The following AXIN2 variants were observed in gnomAD, a reference collection of about 807,000 sequenced individuals.
AXIN2 encodes axin 2, also known as axin-2.
Under a neutral mutation model 74.7 loss-of-function variants are expected in AXIN2, and 21 were observed. The ratio of observed to expected loss-of-function variants is 0.28; its 90% confidence interval spans 0.20 to 0.40. The LOEUF (loss-of-function observed/expected upper bound fraction) is 0.40. AXIN2 is among the 10% of genes least tolerant of loss of function. The probability of loss-of-function intolerance (pLI) is 1.00; values close to 1 mark genes in which losing one functional copy is unlikely to be tolerated. For synonymous variants in AXIN2, 532 were observed against 454.9 expected, an observed-to-expected ratio of 1.17 and a Z score of -2.16; for missense variants, 1,144 against 1,111.1, an observed-to-expected ratio of 1.03 and a Z score of -0.42.
chr17:65,540,032 C>G lies in AXIN2; in HGVS notation c.1059+1423G>C, dbSNP rs1022222500. On this transcript the variant is annotated intron_variant, in intron 4 of 10. Coordinates refer to ENST00000307078, the MANE Select transcript of AXIN2 (RefSeq NM_004655.4). ...AGGAGATCCTCACTTCTAAACACTT[C>G]GTTCATTCCGCATTTGATAGGCACA... Among the ~76,000 whole-genome samples, 6 of 152,218 alleles carry G rather than the reference C, an allele frequency of 3.9e-5. No homozygotes were observed. In the East Asian group the frequency reaches 9.6e-4, roughly 24 times the overall value.
At chr17:65,537,273 TG>T (rs2043942762) in intron 6 of AXIN2, 50 bp downstream of exon 6, 2 of 1,611,634 alleles carry the variant, frequency 1.2e-6, no homozygotes, top group East Asian at 2.2e-5. Context: ...CCCATGGACC[TG>T]GCTGGGAGAC....
chr17:65,531,457 G>C (rs1343170081), intron 10 of AXIN2, among the ~76,000 whole-genome samples: 1 of 151,906 alleles, frequency 6.6e-6, no homozygotes, highest in East Asian at 1.9e-4. Context: ...TGAGAAAATG[G>C]GGAGGGGCTC....
In AXIN2 at chr17:65,538,363, A is replaced by G; in HGVS notation, c.1060-20T>C. The G allele has an allele frequency of 1.2e-6, 2 of 1,613,808 alleles. No homozygotes were observed. Among genetic ancestry groups the G allele is most frequent in the Middle Eastern group, 1.7e-4 (1 of 6,046 alleles). ...GGTTCTCTACAGGACGTGGAAAGGA[A>G]AGGGAGGAGGCACGTTCAGCAGGCT... On this transcript the variant is annotated intron_variant, in intron 4 of 10. Coordinates refer to ENST00000307078, the MANE Select transcript of AXIN2 (RefSeq NM_004655.4).
chr17:65,537,896 G>A, intron 5 of AXIN2, 61 bp from the exon 6 acceptor site: 3 of 1,491,050 alleles, frequency 2.0e-6, no homozygotes, highest in Non-Finnish European at 2.7e-6. Context: ...AGAGGCCCTG[G>A]GGTTGCAACA....
chr17:65,544,736 G>C (rs2044094093), intron 3 of AXIN2, among the ~76,000 whole-genome samples: 1 of 152,170 alleles, frequency 6.6e-6, no homozygotes, highest in Non-Finnish European at 1.5e-5. Context: ...GCCGGGCCCA[G>C]CTGTTTCTGG....
rs2144456529 is a variant in AXIN2, at chr17:65,537,369, T to C, written c.1667A>G (p.Lys556Arg). 6.2e-7 allele frequency: 1 copy of C among 1,614,096 alleles called. No homozygotes were observed. The highest frequency in any genetic ancestry group is 8.5e-7 in the Non-Finnish European group (1 of 1,180,034). The change falls in exon 6 of 11, where the codon AAA becomes AGA. Residue 556 changes from lysine (K) to arginine (R), a missense_variant. Coordinates refer to ENST00000307078, the MANE Select transcript of AXIN2 (RefSeq NM_004655.4). The stretch of plus-strand genomic sequence containing the variant: ...GGTTTCCGGAGCCTTGGAGTGGCTT[T>C]TGCATTTCGAGTAGCAGTAATACTC... ...GSEYYCYSKCKSHSKAPETMP... is the reference protein window; with the variant it reads ...GSEYYCYSKCRSHSKAPETMP...
chr17:65,556,458 A>C (rs1429861080), intron 2 of AXIN2, among the ~76,000 whole-genome samples: 1 of 152,226 alleles, frequency 6.6e-6, no homozygotes, highest in Non-Finnish European at 1.5e-5. Flanking sequence ...CTCCACAAGC[A>C]TAAAGACACT....
At chr17:65,557,245 T>G (rs1035583100) in intron 2 of AXIN2, among the ~76,000 whole-genome samples, 16 of 152,190 alleles carry the variant, frequency 1.1e-4, no homozygotes, top group African/African-American at 3.9e-4. Context: ...AGGCCTTTCT[T>G]GCTGGGTAAA....
intron 2 of AXIN2, among the ~76,000 whole-genome samples, chr17:65,554,252 T>TTCC (rs372639572): frequency 1.1e-4 from 16 of 151,702 alleles, no homozygotes; most frequent in African/African-American, 3.6e-4. Context: ...CCTCTTCCTC[T>TTCC]TCCTCCTCCT....
rs2043784446 is a variant in AXIN2 at position 65,529,696 on chromosome 17, G to GAAGT, written c.*279_*280insACTT. The GAAGT allele has an allele frequency of 2.0e-6, 1 of 488,192 alleles. No individual in the cohort carries two copies. The highest frequency in any genetic ancestry group is 2.1e-5 in the South Asian group (1 of 48,016). 30.2% of individuals were successfully genotyped at this position (488,192 alleles called of 1,614,324 possible). On this transcript the variant is annotated 3_prime_UTR_variant, in exon 11 of 11. Coordinates refer to ENST00000307078, the MANE Select transcript of AXIN2 (RefSeq NM_004655.4). ...CCTAGGAAGTCATATATTATGTATG[G>GAAGT]CAGTCTCTCAAATACAGGCAGCATC...
At chr17:65,552,027 C>T (rs114733932) in intron 2 of AXIN2, among the ~76,000 whole-genome samples, 1,334 of 79,826 alleles carry the variant, frequency 0.017, 16 homozygotes, top group African/African-American at 0.06. Context: ...AGAAGTCTCA[C>T]GACCTCCTGG....
intron 2 of AXIN2, among the ~76,000 whole-genome samples, 195 bp downstream of exon 2, chr17:65,557,611 G>A (rs2044286282): frequency 6.6e-6 from 1 of 152,206 alleles, no homozygotes; most frequent in Admixed American, 6.5e-5. Context: ...CTGGAAGACT[G>A]CAGGTATTTA....
At chr17:65,547,021 G>A (rs980637968) in intron 3 of AXIN2, among the ~76,000 whole-genome samples, 33 of 152,144 alleles carry the variant, frequency 2.2e-4, no homozygotes, top group African/African-American at 6.8e-4. Flanking sequence ...GACTGGCAAA[G>A]GTAACCTTTC....
rs1464276356 is a variant in AXIN2, at chr17:65,537,315, G to A, written c.1712+9C>T. 12 of 1,613,718 alleles carry A rather than the reference G, an allele frequency of 7.4e-6. No individual in the cohort carries two copies. The highest frequency in any genetic ancestry group is 1.7e-5 in the Admixed American group (1 of 60,006). On this transcript the variant is annotated intron_variant, in intron 6 of 10. Transcript: ENST00000307078. The stretch of plus-strand genomic sequence containing the variant: ...CCACACGGGACACTGCGGTCCGCCC[G>A]GCACTTACCCAAACTGCTCGCTGGG...
At chr17:65,547,851 C>G (rs2044138069) in intron 3 of AXIN2, among the ~76,000 whole-genome samples, 1 of 152,126 alleles carries the variant, frequency 6.6e-6, no homozygotes, top group Non-Finnish European at 1.5e-5. Flanking sequence ...AAAAGAGAAA[C>G]TTTTCAAAGG....
chr17:65,538,398 G>A (rs2043983239), intron 4 of AXIN2, 55 bp from the exon 5 acceptor site: 2 of 1,609,174 alleles, frequency 1.2e-6, no homozygotes, highest in Non-Finnish European at 1.7e-6. Context: ...TAGGTGGGCG[G>A]TGGCTTGGCC....
chr17:65,545,621 A>C (rs1259296383), intron 3 of AXIN2, among the ~76,000 whole-genome samples: 2 of 151,944 alleles, frequency 1.3e-5, no homozygotes, highest in Admixed American at 6.6e-5. Flanking sequence ...GCGCCACTGC[A>C]CTCCAGCCTG....
At chr17:65,545,237 C>A (rs2044101381) in intron 3 of AXIN2, among the ~76,000 whole-genome samples, 1 of 152,164 alleles carries the variant, frequency 6.6e-6, no homozygotes, top group Non-Finnish European at 1.5e-5. Flanking sequence ...CTGGCAACAT[C>A]TAACCATGGC....
At chr17:65,552,230 C>G (rs1300002319) in intron 2 of AXIN2, among the ~76,000 whole-genome samples, 1 of 152,166 alleles carries the variant, frequency 6.6e-6, no homozygotes, top group Non-Finnish European at 1.5e-5. Flanking sequence ...AAGGGGGACT[C>G]TCTGTTCAGC....
Sources: gnomAD v4.1 joint callset for allele counts (sites outside exome capture counted in the v4.1 genomes callset) on GRCh38, gnomAD v4.1.1 for gene constraint, MANE v1.5 for transcripts, NCBI Gene and HGNC (gene_info 2026-07-23, HGNC 2026-07-21) for gene names.